The following CHSY1 variants were observed in gnomAD, a reference collection of about 807,000 sequenced individuals.
The protein encoded by CHSY1 is N-acetylgalactosaminyl-proteoglycan 3-beta-glucuronosyltransferase 1.
A neutral mutation model predicts 59.8 loss-of-function variants in CHSY1; 13 were observed. The observed-to-expected ratio is 0.22, with a 90% confidence interval of 0.14 to 0.35. The LOEUF (loss-of-function observed/expected upper bound fraction) is 0.35. CHSY1 is among the 10% of genes least tolerant of loss of function. CHSY1 has a pLI of 1.00. For synonymous variants in CHSY1, 459 were observed against 401.2 expected (o/e 1.14, Z -1.72); for missense variants, 947 against 1,030.6 (o/e 0.92, Z 1.11).
chr15:101,228,784 A>G (rs766018900), intron 2 of CHSY1, among the ~76,000 whole-genome samples: 1 of 152,238 alleles, frequency 6.6e-6, no homozygotes, highest in African/African-American at 2.4e-5. Flanking sequence ...ATAGGCATGA[A>G]TAAGAAGCCC....
At chr15:101,237,131 GA>G (rs2038952226) in intron 1 of CHSY1, among the ~76,000 whole-genome samples, 2 of 145,060 alleles carry the variant, frequency 1.4e-5, no homozygotes, top group Admixed American at 1.4e-4. Flanking sequence ...GGCTGAGGCA[GA>G]AGAATTGCTT....
chr15:101,178,070 G>T lies in CHSY1; in HGVS notation c.1727C>A (p.Ser576Tyr), dbSNP rs1173926099. ...AACTTGTTTGGCCTTGTCAGGGTTG[G>T]AGTCAGAATTGAAAAGCAGAACCAC... Reference protein sequence around the residue: ...KLVVLLFNSDSNPDKAKQVEL... With the variant: ...KLVVLLFNSDYNPDKAKQVEL... Residue 576 changes from serine (S) to tyrosine (Y), a missense_variant, in exon 3 of 3, where the codon TCC becomes TAC. Around this residue, in one of 4 missense-constraint regions of CHSY1, gnomAD observed 602 missense variants for 676.9 expected, o/e 0.89. Coordinates refer to ENST00000254190, the MANE Select transcript of CHSY1 (RefSeq NM_014918.5). The T allele has an allele frequency of 6.2e-7, 1 of 1,614,066 alleles. No individual in the cohort carries two copies. Among genetic ancestry groups the T allele is most frequent in the African/African-American group, 1.3e-5 (1 of 74,926 alleles).
In CHSY1 at chr15:101,176,966, T is replaced by TAA. The variant is rs34904116; in HGVS notation, c.*420_*421dup. 2.9e-3 allele frequency: 433 copies of TAA among 150,620 alleles called. No homozygotes were observed. The highest frequency in any genetic ancestry group is 7.3e-3 in the South Asian group (37 of 5,072). 9.3% of individuals were successfully genotyped at this position (150,620 alleles called of 1,614,324 possible). Reference sequence around the variant, plus strand: ...ACATGAAATGGCTTTAAAACAATTGTAAAAAAAAAAAACAAAACACAAAAG... The same window carrying TAA: ...ACATGAAATGGCTTTAAAACAATTGTAAAAAAAAAAAAAACAAAACACAAAAG... On this transcript the variant is annotated 3_prime_UTR_variant, in exon 3 of 3. Transcript: ENST00000254190.
intron 1 of CHSY1, among the ~76,000 whole-genome samples, chr15:101,250,093 T>A: frequency 6.6e-6 from 1 of 152,194 alleles, no homozygotes; most frequent in East Asian, 1.9e-4. Flanking sequence ...AAAACTGAAG[T>A]GTAAAGGTAT....
At chr15:101,248,417 C>CA (rs1161605468) in intron 1 of CHSY1, among the ~76,000 whole-genome samples, 1 of 152,208 alleles carries the variant, frequency 6.6e-6, no homozygotes, top group Non-Finnish European at 1.5e-5. Context: ...CCCTAACTGG[C>CA]AGGGCAGGTC....
At chr15:101,210,894 T>C (rs1194540832) in intron 2 of CHSY1, among the ~76,000 whole-genome samples, 1 of 152,206 alleles carries the variant, frequency 6.6e-6, no homozygotes, top group Non-Finnish European at 1.5e-5. Flanking sequence ...ACTTGTCAGA[T>C]ATGGGCTTTG....
rs375974831 is a variant in CHSY1, at chr15:101,234,150, CG to C, written c.816+931del. On this transcript the variant is annotated intron_variant, in intron 2 of 2. Transcript: ENST00000254190. ...CTGCTACAGAGAAAACATCTACAAG[CG>C]GACTTCCTTCGGCAAATTTCATTTA... is the stretch of plus-strand genomic sequence containing the variant. Among the ~76,000 whole-genome samples, 82 of 152,292 alleles carry C rather than the reference CG, an allele frequency of 5.4e-4. No individual in the cohort carries two copies. The East Asian group carries it at 0.014, about 26-fold the overall frequency.
chr15:101,207,657 G>C (rs939076387), intron 2 of CHSY1, among the ~76,000 whole-genome samples: 5 of 152,176 alleles, frequency 3.3e-5, no homozygotes, highest in African/African-American at 1.2e-4. Flanking sequence ...AAAGAAAATA[G>C]ATCTTCCAGA....
At chr15:101,209,608 TAGC>T (rs147146127) in intron 2 of CHSY1, among the ~76,000 whole-genome samples, 52 of 152,178 alleles carry the variant, frequency 3.4e-4, no homozygotes, top group African/African-American at 1.2e-3. Context: ...AAATAACAAA[TAGC>T]AGGATCAGTT....
At chr15:101,210,181 C>T (rs1461099353) in intron 2 of CHSY1, among the ~76,000 whole-genome samples, 1 of 152,166 alleles carries the variant, frequency 6.6e-6, no homozygotes, top group Admixed American at 6.5e-5. Flanking sequence ...ACAGATTAGC[C>T]AGTACCTTTT....
Position 101,249,010 on chromosome 15 carries a change from A to C in CHSY1, c.320+2127T>G, listed in dbSNP as rs1021130123. ...AGTAGAGATGGGGTTTCACCGTGTT[A>C]GCCAGGATGGTCTTGATCTCCTGAC... On this transcript the variant is annotated intron_variant, in intron 1 of 2. Transcript: ENST00000254190. 4.8e-4 allele frequency among the ~76,000 whole-genome samples: 59 copies of C among 122,576 alleles called. 1 individual carries two copies. Among genetic ancestry groups the C allele is most frequent in the African/African-American group, 1.7e-3 (54 of 31,580 alleles). 80.4% of individuals were successfully genotyped at this position (122,576 alleles called of 152,430 possible).
At position 101,176,976 on chromosome 15, in the gene CHSY1, A is replaced by T. The variant is rs536810585; in HGVS notation, c.*412T>A. The T allele has an allele frequency of 1.2e-5, 2 of 163,972 alleles. No homozygotes were observed. Among genetic ancestry groups the T allele is most frequent in the Non-Finnish European group, 2.6e-5 (2 of 75,718 alleles). The allele number at this position is 163,972 out of a possible 1,614,324, so 10.2% of individuals were successfully genotyped here. A position where few individuals can be genotyped will look rare whatever the true frequency, so the allele number is the denominator to read the frequency against. On this transcript the variant is annotated 3_prime_UTR_variant, in exon 3 of 3. Transcript: ENST00000254190. ...GCTTTAAAACAATTGTAAAAAAAAAAAACAAAACACAAAAGGTAGAATCTG... is the reference window on the plus strand; with the variant it reads ...GCTTTAAAACAATTGTAAAAAAAAATAACAAAACACAAAAGGTAGAATCTG...
chr15:101,208,490 A>C (rs2038649742), intron 2 of CHSY1, among the ~76,000 whole-genome samples: 1 of 152,302 alleles, frequency 6.6e-6, no homozygotes, highest in East Asian at 1.9e-4. Flanking sequence ...AGGCGGGTGG[A>C]TCATTTGAGG....
Position 101,251,266 on chromosome 15 carries a change from TCGCCGCGCGCCC to T in CHSY1, c.179_190del (p.Gly60_Gly63del). On this transcript the variant is annotated inframe_deletion, in exon 1 of 3. Coordinates refer to ENST00000254190, the MANE Select transcript of CHSY1 (RefSeq NM_014918.5). ...CGGCCAGAGCTGCGCCCCGCGCGCATCGCCGCGCGCCCCGCCGGCCTGGGAAGCCGCCGCCTG... is the reference window on the plus strand; with the variant it reads ...CGGCCAGAGCTGCGCCCCGCGCGCATCGCCGGCCTGGGAAGCCGCCGCCTG... 7.4e-7 allele frequency: 1 copy of T among 1,356,554 alleles called. No homozygotes were observed. The highest frequency in any genetic ancestry group is 1.8e-5 in the South Asian group (1 of 56,786). 84.0% of individuals were successfully genotyped at this position (1,356,554 alleles called of 1,614,324 possible).
intron 2 of CHSY1, among the ~76,000 whole-genome samples, chr15:101,231,245 G>A (rs1300814850): frequency 1.3e-5 from 2 of 152,270 alleles, no homozygotes; most frequent in East Asian, 1.9e-4. Flanking sequence ...GAAATAGCCC[G>A]AACGTCCATC....
Position 101,237,222 on chromosome 15 carries a change from TAAA to T in CHSY1, c.321-1648_321-1646del, listed in dbSNP as rs56731913. On this transcript the variant is annotated intron_variant, in intron 1 of 2. Transcript: ENST00000254190. ...CTGGACAAAAGAGCAAGACTCCATC[TAAA>T]AAAAAAAAAAAAAAAAAAAAAAACA... 3.6e-3 allele frequency among the ~76,000 whole-genome samples: 205 copies of T among 57,382 alleles called. 1 individual carries two copies. Among genetic ancestry groups the T allele is most frequent in the South Asian group, 0.014 (20 of 1,422 alleles). 37.6% of individuals were successfully genotyped at this position (57,382 alleles called of 152,430 possible). A position where few individuals can be genotyped will look rare whatever the true frequency, so the allele number is the denominator to read the frequency against.
At chr15:101,244,607 C>A (rs1596456374) in intron 1 of CHSY1, among the ~76,000 whole-genome samples, 1 of 152,208 alleles carries the variant, frequency 6.6e-6, no homozygotes, top group East Asian at 1.9e-4. Context: ...TATAAAAGAT[C>A]ACTTGGCATC....
chr15:101,177,527 G>C lies in CHSY1; in HGVS notation c.2270C>G (p.Pro757Arg). Residue 757 changes from proline (P) to arginine (R), a missense_variant, in exon 3 of 3, where the codon CCC becomes CGC. Physicochemically the swap from Pro to Arg is moderately radical, Grantham distance 103. Transcript: ENST00000254190. Reference protein sequence around the residue: ...HPVFCDPNLDPKQYKMCLGSK... With the variant: ...HPVFCDPNLDRKQYKMCLGSK... The stretch of plus-strand genomic sequence containing the variant: ...CCCCAAGCACATTTTGTACTGTTTG[G>C]GGTCAAGATTGGGATCACAAAAGAC... The C allele has an allele frequency of 6.2e-7, 1 of 1,613,610 alleles. No individual in the cohort carries two copies. The highest frequency in any genetic ancestry group is 8.5e-7 in the Non-Finnish European group (1 of 1,179,568).
intron 2 of CHSY1, among the ~76,000 whole-genome samples, chr15:101,230,088 C>A (rs2038878260): frequency 6.6e-6 from 1 of 151,740 alleles, no homozygotes; most frequent in Non-Finnish European, 1.5e-5. Flanking sequence ...ACTACAGGCG[C>A]CCGCCACCAT....
Sources: gnomAD v4.1 joint callset for allele counts (sites outside exome capture counted in the v4.1 genomes callset) on GRCh38, gnomAD v4.1.1 for gene constraint, gnomAD v4.1.1 regional missense constraint, MANE v1.5 for transcripts, NCBI Gene and HGNC (gene_info 2026-07-23, HGNC 2026-07-21) for gene names.